The following VAT1L variants were observed in gnomAD, a reference collection of about 807,000 sequenced individuals.
VAT1L encodes the protein vesicle amine transport 1 like.
Under a neutral mutation model 44.1 loss-of-function variants are expected in VAT1L, and 34 were observed. The observed-to-expected ratio is 0.77, with a 90% CI of 0.59 to 1.03. The LOEUF is 1.03. Among genes scored for constraint, VAT1L ranks in the 50% least tolerant of loss-of-function variants. VAT1L has a pLI of 0.00. For synonymous variants in VAT1L, 253 were observed against 202.2 expected (o/e 1.25, Z -2.13); for missense variants, 615 against 538.8 (o/e 1.14, Z -1.40).
At chr16:77,819,958 C>A (rs1484571588) in intron 2 of VAT1L, among the ~76,000 whole-genome samples, 1 of 152,122 alleles carries the variant, frequency 6.6e-6, no homozygotes, top group Admixed American at 6.6e-5. Context: ...TGTATTATGC[C>A]ATTTAGTTTT....
chr16:77,951,911 G>A (rs752081952), intron 7 of VAT1L, among the ~76,000 whole-genome samples: 7 of 151,880 alleles, frequency 4.6e-5, no homozygotes, highest in Non-Finnish European at 1.0e-4. Context: ...AGGGCAGAGA[G>A]ATTGAACTCA....
chr16:77,838,862 C>T (rs1372090331), intron 3 of VAT1L, among the ~76,000 whole-genome samples: 3 of 151,660 alleles, frequency 2.0e-5, no homozygotes, highest in Non-Finnish European at 4.4e-5. Flanking sequence ...TTCTCTTTCT[C>T]CCCTTTATTC....
At chr16:77,954,690 G>T (rs973728323) in intron 7 of VAT1L, among the ~76,000 whole-genome samples, 3 of 152,168 alleles carry the variant, frequency 2.0e-5, no homozygotes, top group Non-Finnish European at 2.9e-5. Context: ...CCAAGCAGGG[G>T]ACCTGTCTTT....
At chr16:77,853,232 T>C (rs2016824495) in intron 3 of VAT1L, among the ~76,000 whole-genome samples, 2 of 152,176 alleles carry the variant, frequency 1.3e-5, no homozygotes. Flanking sequence ...TTATTTTCTC[T>C]TCCTACTTCT....
At chr16:77,826,334 G>A (rs542194600) in intron 3 of VAT1L, among the ~76,000 whole-genome samples, 8 of 152,134 alleles carry the variant, frequency 5.3e-5, no homozygotes, top group Non-Finnish European at 1.2e-4. Context: ...TGACAAAATG[G>A]TCATTTTGTC....
chr16:77,926,521 T>A (rs2017671063), intron 7 of VAT1L, among the ~76,000 whole-genome samples: 1 of 151,950 alleles, frequency 6.6e-6, no homozygotes, highest in East Asian at 2.0e-4. Context: ...GAGGCAGAGG[T>A]TGCCATGAGC....
chr16:77,969,424 G>A (rs745594088), intron 7 of VAT1L, among the ~76,000 whole-genome samples: 9 of 152,034 alleles, frequency 5.9e-5, no homozygotes, highest in Non-Finnish European at 8.8e-5. Context: ...CTCTGTGGTC[G>A]TTGGCAGGAT....
intron 7 of VAT1L, among the ~76,000 whole-genome samples, chr16:77,954,656 C>T (rs750044570): frequency 3.9e-5 from 6 of 152,174 alleles, no homozygotes; most frequent in Non-Finnish European, 8.8e-5. Context: ...GGAACATCAT[C>T]TCCCCCTCTC....
intron 2 of VAT1L, 58 bp downstream of exon 2, chr16:77,817,108 A>C (rs924349312): frequency 5.8e-5 from 91 of 1,575,860 alleles, no homozygotes; most frequent in Non-Finnish European, 7.4e-5. Flanking sequence ...TGAGACAACA[A>C]AAGATGATGC....
chr16:77,871,206 C>A lies in VAT1L; in HGVS notation c.723-5164C>A, dbSNP rs142617206. 3.6e-3 allele frequency among the ~76,000 whole-genome samples: 551 copies of A among 152,288 alleles called. 1 individual carries two copies. Among genetic ancestry groups the A allele is most frequent in the Middle Eastern group, 6.8e-3 (2 of 294 alleles). Reference sequence around the variant, plus strand: ...ATCTGCCTCTGCCCAACTTCTCCCCCTCAGAATCCACCTCCCCTACCTCCT... The same window carrying A: ...ATCTGCCTCTGCCCAACTTCTCCCCATCAGAATCCACCTCCCCTACCTCCT... On this transcript the variant is annotated intron_variant, in intron 4 of 8. Coordinates refer to ENST00000302536, the MANE Select transcript of VAT1L (RefSeq NM_020927.3).
In VAT1L at chr16:77,922,017, G is replaced by A. The variant is rs529895631; in HGVS notation, c.1077+37215G>A. ...CTTGCCTCAGCCTCCCAAATTGTTG[G>A]AATTACAGGCATGAGCCACTGCATT... On this transcript the variant is annotated intron_variant, in intron 7 of 8. Coordinates refer to ENST00000302536, the MANE Select transcript of VAT1L (RefSeq NM_020927.3). 3.3e-5 allele frequency among the ~76,000 whole-genome samples: 5 copies of A among 152,232 alleles called. No homozygotes were observed. The South Asian group carries it at 8.3e-4, about 25-fold the overall frequency.
At chr16:77,856,771 T>C (rs1597069390) in intron 3 of VAT1L, among the ~76,000 whole-genome samples, 1 of 152,126 alleles carries the variant, frequency 6.6e-6, no homozygotes, top group Non-Finnish European at 1.5e-5. Flanking sequence ...CAAAGAGTAA[T>C]TGATGGCAAA....
rs952328117 is a variant in VAT1L at position 77,839,282 on chromosome 16, T to A, written c.579+13821T>A. On this transcript the variant is annotated intron_variant, in intron 3 of 8. Coordinates refer to ENST00000302536, the MANE Select transcript of VAT1L (RefSeq NM_020927.3). ...CGGGCGCGATGGCTCACGCCTGTAA[T>A]CCTAGCACTTTGGGAGGCCGAGACG... 8.6e-5 allele frequency among the ~76,000 whole-genome samples: 13 copies of A among 151,918 alleles called. No homozygotes were observed. The East Asian group carries it at 2.5e-3, about 30-fold the overall frequency.
intron 3 of VAT1L, among the ~76,000 whole-genome samples, chr16:77,841,136 A>G (rs888347186): frequency 2.6e-5 from 4 of 152,200 alleles, no homozygotes; most frequent in African/African-American, 9.7e-5. Flanking sequence ...ACTAGAGTGC[A>G]GTAGTGCAAT....
rs1224212438 is a variant in VAT1L at position 77,862,779 on chromosome 16, T to C, written c.611T>C (p.Val204Ala). 1 of 1,614,026 alleles carries C rather than the reference T, an allele frequency of 6.2e-7. No homozygotes were observed. The highest frequency in any genetic ancestry group is 2.2e-5 in the East Asian group (1 of 44,876). ...GQAVAQLCST[V>A]PNVTVFGTAS... ...GCTGTGGCTCAGCTGTGTTCCACTG[T>C]CCCCAACGTGACTGTCTTTGGAACA... is the stretch of plus-strand genomic sequence containing the variant. The change falls in exon 4 of 9, where the codon GTC becomes GCC. Residue 204 changes from valine (V) to alanine (A), a missense_variant. Val to Ala is a moderately conservative substitution (Grantham distance 64, BLOSUM62 0). Transcript: ENST00000302536.
intron 3 of VAT1L, among the ~76,000 whole-genome samples, chr16:77,852,742 A>G (rs769834763): frequency 1.3e-5 from 2 of 152,110 alleles, no homozygotes; most frequent in African/African-American, 2.4e-5. Context: ...CTTTTGGCCT[A>G]CAGATCCACA....
At chr16:77,900,707 A>G (rs1195563271) in intron 7 of VAT1L, among the ~76,000 whole-genome samples, 1 of 147,110 alleles carries the variant, frequency 6.8e-6, no homozygotes, top group African/African-American at 2.7e-5. Context: ...AAAAAAAAAA[A>G]AGAAAATAGA....
Position 77,903,047 on chromosome 16 carries a change from A to G in VAT1L, c.1077+18245A>G, listed in dbSNP as rs149841734. ...ATTATACCTTACACTCTCATAGTAG[A>G]TAATACTTTTAATGTGCAGCATTCC... On this transcript the variant is annotated intron_variant, in intron 7 of 8. Transcript: ENST00000302536. 2.8e-3 allele frequency among the ~76,000 whole-genome samples: 420 copies of G among 152,180 alleles called. 4 individuals are homozygous for G. Among genetic ancestry groups the G allele is most frequent in the African/African-American group, 9.4e-3 (389 of 41,556 alleles).
intron 1 of VAT1L, among the ~76,000 whole-genome samples, chr16:77,789,121 C>T (rs901868214): frequency 6.6e-6 from 1 of 152,004 alleles, no homozygotes; most frequent in Non-Finnish European, 1.5e-5. Flanking sequence ...CTAGGGGTGA[C>T]GGGAGGAGAA....
Sources: gnomAD v4.1 joint callset for allele counts (sites outside exome capture counted in the v4.1 genomes callset) on GRCh38, gnomAD v4.1.1 for gene constraint, MANE v1.5 for transcripts, NCBI Gene and HGNC (gene_info 2026-07-23, HGNC 2026-07-21) for gene names.